GRIP1: variants seen among roughly 807,000 people sequenced by gnomAD.
The protein encoded by GRIP1 is glutamate receptor-interacting protein 1.
GRIP1 carries 45 observed loss-of-function variants against 129.9 expected under a neutral mutation model. That is an observed-to-expected ratio of 0.35 (90% CI 0.27 to 0.44). GRIP1 has a LOEUF of 0.44. Ranked by LOEUF, GRIP1 falls within the 20% of genes least tolerant of loss-of-function variation. The probability of loss-of-function intolerance (pLI) is 1.00; values close to 1 mark genes in which losing one functional copy is unlikely to be tolerated. For missense variants in GRIP1, 1,196 were observed against 1,396.8 expected (o/e 0.86, Z 2.29); for synonymous variants, 530 against 520.8 (o/e 1.02, Z -0.24).
intron 1 of GRIP1, among the ~76,000 whole-genome samples, chr12:67,039,067 C>G (rs1016795913): frequency 2.7e-5 from 4 of 150,638 alleles, no homozygotes; most frequent in African/African-American, 9.8e-5. Flanking sequence ...CATTTATTCC[C>G]AAAACAATTT....
chr12:66,733,456 G>C (rs949586801), intron 1 of GRIP1, among the ~76,000 whole-genome samples: 7 of 152,114 alleles, frequency 4.6e-5, no homozygotes, highest in African/African-American at 1.4e-4. Context: ...GATGTAGCTG[G>C]GATGTAACTC....
At chr12:66,585,701 T>C (rs2063603561) in intron 2 of GRIP1, among the ~76,000 whole-genome samples, 1 of 147,060 alleles carries the variant, frequency 6.8e-6, no homozygotes, top group Admixed American at 6.9e-5. Context: ...ATGGTTGAAC[T>C]AGTTTACAGT....
At chr12:66,957,466 A>T (rs2041859882) in intron 1 of GRIP1, among the ~76,000 whole-genome samples, 1 of 151,772 alleles carries the variant, frequency 6.6e-6, no homozygotes, top group South Asian at 2.1e-4. Flanking sequence ...CGTCTCATCC[A>T]GCTTTACACT....
intron 1 of GRIP1, among the ~76,000 whole-genome samples, chr12:66,950,021 C>T (rs1307469339): frequency 6.6e-6 from 1 of 151,654 alleles, no homozygotes; most frequent in East Asian, 1.9e-4. Context: ...CGTGATCCAC[C>T]CATTTTGGCC....
At chr12:66,655,322 C>CT (rs777783745) in intron 1 of GRIP1, among the ~76,000 whole-genome samples, 2 of 152,090 alleles carry the variant, frequency 1.3e-5, no homozygotes, top group African/African-American at 2.4e-5. Flanking sequence ...GTTTTAAAGA[C>CT]TTTTTTATGG....
At chr12:66,953,027 T>C (rs1185115092) in intron 1 of GRIP1, among the ~76,000 whole-genome samples, 1 of 152,190 alleles carries the variant, frequency 6.6e-6, no homozygotes, top group Non-Finnish European at 1.5e-5. Context: ...GCAACCCAAA[T>C]CAGAAGGGAA....
At chr12:66,625,388 T>C (rs965363127) in intron 1 of GRIP1, among the ~76,000 whole-genome samples, 3 of 152,332 alleles carry the variant, frequency 2.0e-5, no homozygotes, top group African/African-American at 7.2e-5. Context: ...CCCATATGAA[T>C]AGATGACCAG....
At chr12:66,458,770 T>C (rs924105167) in intron 9 of GRIP1, among the ~76,000 whole-genome samples, 8 of 152,248 alleles carry the variant, frequency 5.3e-5, no homozygotes, top group African/African-American at 1.7e-4. Context: ...CCATCATTTG[T>C]ATATTTTAGC....
At chr12:66,660,441 T>C (rs1169237800) in intron 1 of GRIP1, among the ~76,000 whole-genome samples, 3 of 152,146 alleles carry the variant, frequency 2.0e-5, no homozygotes, top group Admixed American at 6.5e-5. Context: ...TATCCTCTAA[T>C]TGATATTTAA....
In GRIP1 at chr12:66,896,480, G is replaced by GAAAAAAAAAAAAAA. The variant is rs5798843; in HGVS notation, c.58+172556_58+172569dup. ...TGAGAATATTACCTCTGAGGAATTT[G>GAAAAAAAAAAAAAA]AAAAAAAAAAAAAAAACTTTGGTGG... On this transcript the variant is annotated intron_variant, in intron 1 of 1. Coordinates refer to the GRIP1 transcript ENST00000643019. Among the ~76,000 whole-genome samples the GAAAAAAAAAAAAAA allele has an allele frequency of 1.4e-3, 148 of 107,814 alleles. 9 individuals carry two copies. The East Asian group carries it at 0.014, about 10-fold the overall frequency. 70.7% of individuals were successfully genotyped at this position (107,814 alleles called of 152,430 possible). A position where few individuals can be genotyped will look rare whatever the true frequency, so the allele number is the denominator to read the frequency against.
chr12:66,607,093 T>G (rs1394019407), intron 1 of GRIP1, among the ~76,000 whole-genome samples: 4 of 152,180 alleles, frequency 2.6e-5, no homozygotes, highest in African/African-American at 9.6e-5. Flanking sequence ...TAGCCACTAC[T>G]GTGTATATTC....
chr12:66,422,919 G>C (rs1177079139), intron 14 of GRIP1, among the ~76,000 whole-genome samples: 7 of 152,164 alleles, frequency 4.6e-5, no homozygotes, highest in African/African-American at 1.7e-4. Flanking sequence ...GTTAAATGTG[G>C]CTATGCATGG....
At chr12:66,545,953 A>G (rs532976635) in intron 2 of GRIP1, among the ~76,000 whole-genome samples, 1 of 152,346 alleles carries the variant, frequency 6.6e-6, no homozygotes, top group African/African-American at 2.4e-5. Flanking sequence ...GAAGGCCTAA[A>G]TAATTGGAGA....
upstream of GRIP1, among the ~76,000 whole-genome samples, chr12:66,808,562 G>A (rs575904058): frequency 1.2e-3 from 178 of 152,130 alleles, 1 homozygote; most frequent in African/African-American, 4.2e-3. Flanking sequence ...CTCCCAAAGT[G>A]CTGGGATTAA....
rs2034156666 is a variant in GRIP1 at position 66,673,086 on chromosome 12, G to T, written c.55+5764C>A. Among the ~76,000 whole-genome samples, 4 of 152,182 alleles carry T rather than the reference G, an allele frequency of 2.6e-5. No individual in the cohort carries two copies. The South Asian group carries it at 8.3e-4, about 32-fold the overall frequency. On this transcript the variant is annotated intron_variant, in intron 1 of 24. Transcript: ENST00000359742. ...TATTATTCTAGATAGGCAGGTCTAT[G>T]GTTTCTATCCGTTTCTAGAAGAGAA...
At chr12:66,396,714 T>A (rs185359114) in intron 16 of GRIP1, among the ~76,000 whole-genome samples, 1 of 152,150 alleles carries the variant, frequency 6.6e-6, no homozygotes, top group African/African-American at 2.4e-5. Flanking sequence ...TGTGATTACA[T>A]TGGGGTGGAA....
chr12:66,993,194 T>C (rs996438560), intron 1 of GRIP1, among the ~76,000 whole-genome samples: 1 of 151,468 alleles, frequency 6.6e-6, no homozygotes, highest in South Asian at 2.1e-4. Flanking sequence ...CTATGAGATA[T>C]AGCAAAATCA....
intron 2 of GRIP1, among the ~76,000 whole-genome samples, chr12:66,577,860 G>A (rs946267226): frequency 1.3e-5 from 2 of 152,196 alleles, no homozygotes; most frequent in Non-Finnish European, 2.9e-5. Context: ...ATGCTGAAGT[G>A]AGAGGATGAC....
chr12:67,020,597 A>C (rs1274433957), intron 1 of GRIP1, among the ~76,000 whole-genome samples: 1 of 151,868 alleles, frequency 6.6e-6, no homozygotes, highest in East Asian at 2.0e-4. Context: ...TAGAGATGGG[A>C]TCTCTCTAAG....
Sources: allele counts gnomAD v4.1 joint callset (sites outside exome capture counted in the v4.1 genomes callset), GRCh38; gene constraint gnomAD v4.1.1; transcripts MANE v1.5; gene names NCBI Gene and HGNC (gene_info 2026-07-23, HGNC 2026-07-21).